The following RNFT1 variants were observed in gnomAD, a reference collection of about 807,000 sequenced individuals.
The protein encoded by RNFT1 is E3 ubiquitin-protein ligase RNFT1.
Under a neutral mutation model 53.2 loss-of-function variants are expected in RNFT1, and 35 were observed. The observed-to-expected ratio is 0.66, with a 90% CI of 0.50 to 0.87. RNFT1 has a LOEUF of 0.87. Ranked by LOEUF, RNFT1 falls within the 40% of genes least tolerant of loss-of-function variation. RNFT1 has a pLI of 0.00. For missense variants in RNFT1, 421 were observed against 515.0 expected (o/e 0.82, Z 1.77); for synonymous variants, 141 against 172.8 (o/e 0.82, Z 1.44).
At chr17:59,956,869 G>A (rs2045257081) in intron 6 of RNFT1, among the ~76,000 whole-genome samples, 2 of 152,172 alleles carry the variant, frequency 1.3e-5, no homozygotes, top group Middle Eastern at 6.3e-3. Context: ...TGATTATTAG[G>A]TTGAGGGGTG....
In RNFT1 at chr17:59,963,248, C is replaced by A; in HGVS notation, c.93G>T (p.Glu31Asp). The change falls in exon 2 of 9, where the codon GAG (glutamate) becomes GAT (aspartate). Residue 31 changes from glutamate to aspartate, a missense_variant. Transcript: ENST00000305783. Reference sequence around the variant, plus strand: ...CTTGCATGGCCCTTAAATACTTTTTCTCTGACCCAGATGTCTTTGCTTCAG... The same window carrying A: ...CTTGCATGGCCCTTAAATACTTTTTATCTGACCCAGATGTCTTTGCTTCAG... Reference protein sequence around the residue: ...QRPEAKTSGSEKKYLRAMQAN... With the variant: ...QRPEAKTSGSDKKYLRAMQAN... 1 of 1,612,532 alleles carries A rather than the reference C, an allele frequency of 6.2e-7. No individual in the cohort carries two copies.
chr17:59,956,956 G>T (rs1051218765), intron 6 of RNFT1, among the ~76,000 whole-genome samples: 1 of 152,122 alleles, frequency 6.6e-6, no homozygotes, highest in African/African-American at 2.4e-5. Context: ...GTTGAGGATG[G>T]GTATGTTCTA....
chr17:59,964,644 G>A lies in RNFT1; in HGVS notation c.20C>T (p.Ser7Leu). 6.2e-7 allele frequency: 1 copy of A among 1,608,466 alleles called. No individual in the cohort carries two copies. Among genetic ancestry groups the A allele is most frequent in the South Asian group, 1.1e-5 (1 of 89,972 alleles). The change falls in exon 1 of 9, where the codon TCG becomes TTG. Residue 7 changes from serine (S) to leucine (L), a missense_variant. By Grantham distance (145) the Ser-to-Leu change is moderately radical. Transcript: ENST00000305783. ...AGAAGCGGACGGAGGTGTCGGGAGC[G>A]ACAGCAAGAACAGCGGCATACACCG... is the stretch of plus-strand genomic sequence containing the variant. MPLFLL[S>L]LPTPPSASGH... is the part of the protein sequence containing the mutation.
chr17:59,954,058 A>T lies in RNFT1; in HGVS notation c.1160T>A (p.Leu387His), dbSNP rs1201063165. Residue 387 changes from leucine to histidine, a missense_variant, in exon 8 of 9, where the codon CTT becomes CAT. Transcript: ENST00000305783. ...ICQAEFQKPILLICQHIFCEE... is the reference protein window; with the variant it reads ...ICQAEFQKPIHLICQHIFCEE... ...AAATGTAATTACCTGACAAATGAGA[A>T]GAATTGGCTTCTGAAATTCAGCTTG... 1 of 1,577,858 alleles carries T rather than the reference A, an allele frequency of 6.3e-7. No individual in the cohort carries two copies. Among genetic ancestry groups the T allele is most frequent in the African/African-American group, 1.4e-5 (1 of 72,886 alleles).
At chr17:59,954,224 T>G in intron 7 of RNFT1, 78 bp from the exon 8 acceptor site, 1 of 950,158 alleles carries the variant, frequency 1.1e-6, no homozygotes, top group South Asian at 1.6e-5. Flanking sequence ...AATGCTGTAC[T>G]TCTCAAATCT....
At chr17:59,960,467 T>TAAAA (rs2045282723) in intron 3 of RNFT1, among the ~76,000 whole-genome samples, 1 of 102,530 alleles carries the variant, frequency 9.8e-6, no homozygotes, top group African/African-American at 3.8e-5. Flanking sequence ...GAAAATTAAA[T>TAAAA]TAAATTAAAA....
Position 59,956,600 on chromosome 17 carries a change from T to C in RNFT1, c.1006-47A>G, listed in dbSNP as rs571758764. 3.2e-5 allele frequency: 47 copies of C among 1,473,310 alleles called. No homozygotes were observed. The South Asian group carries it at 5.2e-4, about 16-fold the overall frequency. 91.3% of individuals were successfully genotyped at this position (1,473,310 alleles called of 1,614,324 possible). On this transcript the variant is annotated intron_variant, in intron 6 of 8. Transcript: ENST00000305783. Reference sequence around the variant, plus strand: ...CATTTATTAATTCAAACAGTCCTATTTGCTAAACCCAAAAACCAAAGCTGA... The same window carrying C: ...CATTTATTAATTCAAACAGTCCTATCTGCTAAACCCAAAAACCAAAGCTGA...
At position 59,957,326 on chromosome 17, in the gene RNFT1, G is replaced by T; in HGVS notation, c.903C>A (p.Pro301=). 6.2e-7 allele frequency: 1 copy of T among 1,613,790 alleles called. No individual in the cohort carries two copies. The highest frequency in any genetic ancestry group is 8.5e-7 in the Non-Finnish European group (1 of 1,179,942). The change falls in exon 6 of 9, where the codon CCC becomes CCA. Residue 301 remains proline (P), a synonymous_variant. Transcript: ENST00000305783. ...TAAGGTAGCGAAACCAAACTGGTAT[G>T]GGAACAAAAGTTCGGTAGTATTGAC... is the stretch of plus-strand genomic sequence containing the variant. The part of the protein sequence containing the change: ...ELCQYYRTFV[P]IPVWFRYLIS...
At chr17:59,964,101 G>GT (rs2045316737) in intron 1 of RNFT1, among the ~76,000 whole-genome samples, 1 of 152,198 alleles carries the variant, frequency 6.6e-6, no homozygotes, top group African/African-American at 2.4e-5. Context: ...AAATGATCCA[G>GT]TGTGGACCTC....
At chr17:59,957,809 C>G (rs113104342) in intron 5 of RNFT1, among the ~76,000 whole-genome samples, 3,452 of 152,242 alleles carry the variant, frequency 0.023, 125 homozygotes, top group African/African-American at 0.078. Context: ...CACACCACTG[C>G]ACTCCAGCCT....
At chr17:59,954,344 C>T (rs2045241030) in intron 7 of RNFT1, among the ~76,000 whole-genome samples, 198 bp from the exon 8 acceptor site, 1 of 152,166 alleles carries the variant, frequency 6.6e-6, no homozygotes, top group Admixed American at 6.5e-5. Context: ...TTAAATAATA[C>T]ATAATAGGAT....
At chr17:59,956,262 G>C (rs754574562) in intron 7 of RNFT1, among the ~76,000 whole-genome samples, 3 of 152,124 alleles carry the variant, frequency 2.0e-5, no homozygotes, top group Non-Finnish European at 4.4e-5. Flanking sequence ...TATAAGCACT[G>C]CAACAATTAG....
Position 59,964,507 on chromosome 17 carries a change from T to C in RNFT1, c.56+101A>G, listed in dbSNP as rs2045319957. 3.8e-6 allele frequency: 4 copies of C among 1,042,340 alleles called. No homozygotes were observed. In the Admixed American group the frequency reaches 1.1e-4, roughly 28 times the overall value. The allele number at this position is 1,042,340 out of a possible 1,614,324, so 64.6% of individuals were successfully genotyped here. On this transcript the variant is annotated intron_variant, in intron 1 of 8. Transcript: ENST00000305783. Reference sequence around the variant, plus strand: ...CTTCCGGAATCTCCGAGGGCAGAGTTCTCCACCCACGTCCGAGCCTCGAGT... The same window carrying C: ...CTTCCGGAATCTCCGAGGGCAGAGTCCTCCACCCACGTCCGAGCCTCGAGT...
intron 1 of RNFT1, among the ~76,000 whole-genome samples, chr17:59,963,930 A>G (rs1239286158): frequency 2.6e-5 from 4 of 152,214 alleles, no homozygotes; most frequent in African/African-American, 9.6e-5. Flanking sequence ...CATTTAAAGC[A>G]TAGATACTTT....
chr17:59,956,921 G>T (rs1158396405), intron 6 of RNFT1, among the ~76,000 whole-genome samples: 1 of 152,194 alleles, frequency 6.6e-6, no homozygotes, highest in Non-Finnish European at 1.5e-5. Flanking sequence ...ACTAGTTTAA[G>T]AATTATGTGT....
intron 4 of RNFT1, 39 bp from the exon 5 acceptor site, chr17:59,958,483 T>C: frequency 7.0e-7 from 1 of 1,435,576 alleles, no homozygotes; most frequent in Non-Finnish European, 9.5e-7. Context: ...CAGAGCAACA[T>C]ACAAAGATAA....
chr17:59,963,216 C>T lies in RNFT1; in HGVS notation c.125G>A (p.Arg42His), dbSNP rs752208915. 9.3e-6 allele frequency: 15 copies of T among 1,613,972 alleles called. No homozygotes were observed. The African/African-American group carries it at 1.2e-4, about 13-fold the overall frequency. ...TCCTGGAGGACTGTGCAGTTGGCTACGATTGGCTTGCATGGCCCTTAAATA... is the reference window on the plus strand; with the variant it reads ...TCCTGGAGGACTGTGCAGTTGGCTATGATTGGCTTGCATGGCCCTTAAATA... ...KKYLRAMQANRSQLHSPPGTG... is the reference protein window; with the variant it reads ...KKYLRAMQANHSQLHSPPGTG... The change falls in exon 2 of 9, where the codon CGT (arginine) becomes CAT (histidine). Residue 42 changes from arginine (R) to histidine (H), a missense_variant. Arg to His is a conservative substitution (Grantham distance 29). Transcript: ENST00000305783.
chr17:59,956,355 C>G (rs1482446849), intron 7 of RNFT1, 133 bp downstream of exon 7: 1 of 659,624 alleles, frequency 1.5e-6, no homozygotes, highest in Non-Finnish European at 2.7e-6. Flanking sequence ...TGCCAAAGTA[C>G]TAGAAAATAA....
chr17:59,954,681 G>A (rs1465952522), intron 7 of RNFT1, among the ~76,000 whole-genome samples: 1 of 152,212 alleles, frequency 6.6e-6, no homozygotes, highest in Non-Finnish European at 1.5e-5. Context: ...AGGTCTCCAA[G>A]TGAGTGCAAT....
Sources: allele counts gnomAD v4.1 joint callset (sites outside exome capture counted in the v4.1 genomes callset), GRCh38; gene constraint gnomAD v4.1.1; transcripts MANE v1.5; gene names NCBI Gene and HGNC (gene_info 2026-07-23, HGNC 2026-07-21).